Variants in JMJD1C observed in about 807,000 individuals in gnomAD.
JMJD1C encodes jumonji domain containing 1C, also known as jumonji domain-containing protein 1C.
JMJD1C carries 31 observed loss-of-function variants against 245.3 expected under a neutral mutation model. That is an observed-to-expected ratio of 0.13 (90% CI 0.09 to 0.17). The LOEUF is 0.17. Ranked by LOEUF, JMJD1C falls within the 10% of genes least tolerant of loss-of-function variation. JMJD1C has a pLI of 1.00. For synonymous variants in JMJD1C, 1,057 were observed against 1,017.4 expected (o/e 1.04, Z -0.74); for missense variants, 2,691 against 3,000.2 (o/e 0.90, Z 2.41).
At chr10:63,501,853 G>A (rs970963437) in intron 1 of JMJD1C, among the ~76,000 whole-genome samples, 2 of 152,048 alleles carry the variant, frequency 1.3e-5, no homozygotes, top group African/African-American at 2.4e-5. Flanking sequence ...TAATTCTCCA[G>A]CAAAATCATC....
chr10:63,444,139 G>T (rs892146064), intron 1 of JMJD1C, among the ~76,000 whole-genome samples: 1 of 151,978 alleles, frequency 6.6e-6, no homozygotes, highest in Non-Finnish European at 1.5e-5. Context: ...TGACTGAGGA[G>T]TTTTCTGATT....
At chr10:63,431,727 C>T (rs1176719436) in intron 1 of JMJD1C, among the ~76,000 whole-genome samples, 2 of 152,196 alleles carry the variant, frequency 1.3e-5, no homozygotes, top group African/African-American at 2.4e-5. Context: ...AAAGTACTCA[C>T]TTGCGGCCGG....
intron 2 of JMJD1C, among the ~76,000 whole-genome samples, chr10:63,296,024 T>TTTTTTC (rs1859392996): frequency 8.2e-6 from 1 of 122,588 alleles, no homozygotes; most frequent in African/African-American, 3.0e-5. Flanking sequence ...TTTTTTTTTT[T>TTTTTTC]TTCTTAGATG....
chr10:63,465,366 G>C, intron 1 of JMJD1C, 129 bp downstream of exon 1: 1 of 969,850 alleles, frequency 1.0e-6, no homozygotes, highest in East Asian at 2.6e-5. Flanking sequence ...ACGCGCCAAG[G>C]GTTCAGCAGA....
chr10:63,471,042 C>T (rs1286377956), intron 1 of JMJD1C, among the ~76,000 whole-genome samples: 2 of 152,156 alleles, frequency 1.3e-5, no homozygotes, highest in African/African-American at 4.8e-5. Flanking sequence ...GTCTTGCCAG[C>T]GTGTCCCACT....
At chr10:63,489,041 C>T (rs1954085112) in intron 1 of JMJD1C, among the ~76,000 whole-genome samples, 1 of 152,294 alleles carries the variant, frequency 6.6e-6, no homozygotes, top group East Asian at 1.9e-4. Context: ...TAGCAAAACA[C>T]ATTACTCATA....
intron 3 of JMJD1C, among the ~76,000 whole-genome samples, chr10:63,235,196 T>C (rs2133433750): frequency 6.6e-6 from 1 of 152,218 alleles, no homozygotes; most frequent in Non-Finnish European, 1.5e-5. Flanking sequence ...CCAATATAAA[T>C]AGCAATTTAA....
chr10:63,379,381 A>C (rs1406258707), intron 2 of JMJD1C, among the ~76,000 whole-genome samples: 1 of 152,214 alleles, frequency 6.6e-6, no homozygotes, highest in African/African-American at 2.4e-5. Flanking sequence ...CAATAACAAT[A>C]GTTAAATGAA....
At chr10:63,173,198 G>T (rs1196485562) in intron 24 of JMJD1C, among the ~76,000 whole-genome samples, 2 of 152,046 alleles carry the variant, frequency 1.3e-5, no homozygotes, top group Non-Finnish European at 2.9e-5. Context: ...TCAACAAATA[G>T]TACTGGAACA....
intron 2 of JMJD1C, among the ~76,000 whole-genome samples, chr10:63,312,774 T>C (rs1451129631): frequency 6.6e-6 from 1 of 152,172 alleles, no homozygotes; most frequent in Non-Finnish European, 1.5e-5. Flanking sequence ...TTTTGCTAAA[T>C]GTATTCCAAA....
At chr10:63,447,885 G>A (rs1297304006) in intron 1 of JMJD1C, among the ~76,000 whole-genome samples, 2 of 152,142 alleles carry the variant, frequency 1.3e-5, no homozygotes, top group East Asian at 3.9e-4. Context: ...GTTGCAGTGA[G>A]CTGAGACCAC....
chr10:63,411,488 G>A (rs1180150364), intron 1 of JMJD1C, among the ~76,000 whole-genome samples: 2 of 151,700 alleles, frequency 1.3e-5, no homozygotes, highest in Non-Finnish European at 1.5e-5. Context: ...TAGTAGAAAC[G>A]AGTTTTCACC....
intron 2 of JMJD1C, among the ~76,000 whole-genome samples, chr10:63,329,331 C>T (rs1941881222): frequency 6.6e-6 from 1 of 150,668 alleles, no homozygotes; most frequent in South Asian, 2.1e-4. Context: ...TAAAGACTAG[C>T]ATTCATCTTC....
At chr10:63,203,461 T>A in intron 10 of JMJD1C, 1 of 985,332 alleles carries the variant, frequency 1.0e-6, no homozygotes, top group Non-Finnish European at 1.2e-6. Flanking sequence ...CAAACATTAA[T>A]CTCTGATATG....
intron 1 of JMJD1C, among the ~76,000 whole-genome samples, chr10:63,515,879 T>A (rs1955002259): frequency 6.6e-6 from 1 of 152,186 alleles, no homozygotes; most frequent in Non-Finnish European, 1.5e-5. Flanking sequence ...GTTTTACAAA[T>A]TTTTTCCTAG....
At chr10:63,318,332 A>T (rs950074012) in intron 2 of JMJD1C, among the ~76,000 whole-genome samples, 4 of 152,002 alleles carry the variant, frequency 2.6e-5, no homozygotes, top group African/African-American at 9.7e-5. Flanking sequence ...CCCCAGCTTG[A>T]TCTTTTCTTT....
exon 1 of JMJD1C, chr10:63,521,798 G>C (rs1589851663): frequency 3.3e-6 from 1 of 304,910 alleles, no homozygotes; most frequent in African/African-American, 2.2e-5. Flanking sequence ...CGGCGACTGC[G>C]GCTGCGACGG....
At chr10:63,272,734 T>C (rs541319510) in intron 2 of JMJD1C, among the ~76,000 whole-genome samples, 7 of 152,240 alleles carry the variant, frequency 4.6e-5, no homozygotes, top group Non-Finnish European at 1.0e-4. Context: ...TACAGCTTAA[T>C]ATAACAAACT....
chr10:63,334,275 G>A (rs945937604), intron 2 of JMJD1C, among the ~76,000 whole-genome samples: 2 of 152,114 alleles, frequency 1.3e-5, no homozygotes, highest in African/African-American at 2.4e-5. Flanking sequence ...AATGACTGAT[G>A]TAACTCTTTT....
Sources: gnomAD v4.1 joint callset for allele counts (sites outside exome capture counted in the v4.1 genomes callset) on GRCh38, gnomAD v4.1.1 for gene constraint, MANE v1.5 for transcripts, NCBI Gene and HGNC (gene_info 2026-07-23, HGNC 2026-07-21) for gene names.